ZP2: variants seen among roughly 807,000 people sequenced by gnomAD.
ZP2 encodes the protein zona pellucida sperm-binding protein 2.
In ZP2, 51 loss-of-function variants were observed where a neutral mutation model predicts 84.0. The ratio of observed to expected loss-of-function variants is 0.61; its 90% CI spans 0.49 to 0.77. The LOEUF is 0.77. ZP2 is among the 30% of genes least tolerant of loss of function. The probability of loss-of-function intolerance (pLI) is 0.00; values close to 1 mark genes in which losing one functional copy is unlikely to be tolerated. For missense variants in ZP2, 909 were observed against 911.9 expected, an observed-to-expected ratio of 1.00 and a Z score of 0.04; for synonymous variants, 375 against 330.9, an observed-to-expected ratio of 1.13 and a Z score of -1.45.
intron 3 of ZP2, 136 bp from the exon 4 acceptor site, chr16:21,209,861 C>T: frequency 1.2e-6 from 1 of 806,218 alleles, no homozygotes; most frequent in Non-Finnish European, 2.0e-6. Flanking sequence ...AGTGATAGAA[C>T]TTGAGCTTTG....
At position 21,201,784 on chromosome 16, in the gene ZP2, T is replaced by A; in HGVS notation, c.1426A>T (p.Ile476Phe). 1 of 1,614,144 alleles carries A rather than the reference T, an allele frequency of 6.2e-7. No homozygotes were observed. The highest frequency in any genetic ancestry group is 8.5e-7 in the Non-Finnish European group (1 of 1,180,014). Residue 476 changes from isoleucine to phenylalanine, a missense_variant, in exon 13 of 19, where the codon ATC (isoleucine) becomes TTC (phenylalanine). Physicochemically the swap from Ile to Phe is conservative, Grantham distance 21. Coordinates refer to ENST00000574091, the MANE Select transcript of ZP2 (RefSeq NM_001376232.1). ...GGAGGAGTAAGGCTTTCAACGTTGA[T>A]GTTTAGTAGCATGTCATTCCTGCTA... is the stretch of plus-strand genomic sequence containing the variant. ...SYSRNDMLLN[I>F]NVESLTPPVA...
Position 21,201,951 on chromosome 16 carries a change from A to G in ZP2, c.1360T>C (p.Ser454Pro). ...TCTCACCTGAACTCACTGTCTCTAG[A>G]TATTTTGCTTGGAGGAAAATCCGTC... ...LWTDFPPSKI[S>P]RDSEFRMTVK... The change falls in exon 12 of 19, where the codon TCT becomes CCT. Residue 454 changes from serine to proline, a missense_variant. Physicochemically the swap from Ser to Pro is moderately conservative, Grantham distance 74. Coordinates refer to ENST00000574091, the MANE Select transcript of ZP2 (RefSeq NM_001376232.1). 6.2e-7 allele frequency: 1 copy of G among 1,614,070 alleles called. No homozygotes were observed. Among genetic ancestry groups the G allele is most frequent in the Non-Finnish European group, 8.5e-7 (1 of 1,179,960 alleles).
At chr16:21,201,190 C>A (rs2093223167) in intron 14 of ZP2, among the ~76,000 whole-genome samples, 179 bp downstream of exon 14, 1 of 149,634 alleles carries the variant, frequency 6.7e-6, no homozygotes. Flanking sequence ...CAGAATGAGA[C>A]CCCATCTCAA....
Position 21,206,848 on chromosome 16 carries a change from T to G in ZP2, c.473A>C (p.Asp158Ala). 6.2e-7 allele frequency: 1 copy of G among 1,614,110 alleles called. No individual in the cohort carries two copies. Among genetic ancestry groups the G allele is most frequent in the Non-Finnish European group, 8.5e-7 (1 of 1,179,994 alleles). Residue 158 changes from aspartate to alanine, a missense_variant, in exon 5 of 19, where the codon GAT (aspartate) becomes GCT (alanine). By Grantham distance (126) the Asp-to-Ala change is moderately radical. Coordinates refer to ENST00000574091, the MANE Select transcript of ZP2 (RefSeq NM_001376232.1). ...GLSASTICQKDFMSFSLPRVF... is the reference protein window; with the variant it reads ...GLSASTICQKAFMSFSLPRVF... ...GCCCGTTTCACTCACAGACATGAAATCCTTCTGGCAGATTGTAGATGCTGA... is the reference window on the plus strand; with the variant it reads ...GCCCGTTTCACTCACAGACATGAAAGCCTTCTGGCAGATTGTAGATGCTGA...
chr16:21,203,855 T>C, intron 9 of ZP2, 175 bp downstream of exon 9: 5 of 658,610 alleles, frequency 7.6e-6, no homozygotes, highest in Non-Finnish European at 1.3e-5. Context: ...GAATGAACTT[T>C]AGTTACTTGA....
At chr16:21,214,501 A>T (rs1212348696), upstream of ZP2, 3 of 152,788 alleles carry the variant, frequency 2.0e-5, no homozygotes, top group Admixed American at 1.3e-4. Flanking sequence ...CAGGGAGGGG[A>T]ACATCACACA....
At position 21,203,938 on chromosome 16, in the gene ZP2, A is replaced by G; in HGVS notation, c.972+92T>C. On this transcript the variant is annotated intron_variant, in intron 9 of 18. Coordinates refer to ENST00000574091, the MANE Select transcript of ZP2 (RefSeq NM_001376232.1). ...TCTGTTATGTTGGCAATTAGAGCTC[A>G]CGGGCAAGTTATCAGCCGTATGAGG... 2.1e-6 allele frequency: 3 copies of G among 1,419,432 alleles called. No individual in the cohort carries two copies. The Admixed American group carries it at 5.1e-5, about 24-fold the overall frequency. The allele number at this position is 1,419,432 out of a possible 1,614,324, so 87.9% of individuals were successfully genotyped here.
Position 21,202,212 on chromosome 16 carries a change from C to G in ZP2, c.1179G>C (p.Leu393=). The G allele has an allele frequency of 1.3e-6, 2 of 1,586,486 alleles. No individual in the cohort carries two copies. Among genetic ancestry groups the G allele is most frequent in the South Asian group, 2.3e-5 (2 of 85,672 alleles). ...YSYQTQPALD[L]GTLRVGNSSC... ...ATGAGTTTCCCACCCTCAGAGTACCCAGGTCAAGAGCTGGTTGTGTTTGGT... is the reference window on the plus strand; with the variant it reads ...ATGAGTTTCCCACCCTCAGAGTACCGAGGTCAAGAGCTGGTTGTGTTTGGT... The change falls in exon 11 of 19, where the codon CTG becomes CTC. Residue 393 remains leucine (L), a synonymous_variant. Coordinates refer to ENST00000574091, the MANE Select transcript of ZP2 (RefSeq NM_001376232.1).
At chr16:21,203,946 G>C (rs1205452235) in intron 9 of ZP2, 84 bp downstream of exon 9, 9 of 1,498,136 alleles carry the variant, frequency 6.0e-6, no homozygotes, top group Non-Finnish European at 8.3e-6. Flanking sequence ...TCACGGGCAA[G>C]TTATCAGCCG....
At chr16:21,203,824 T>A (rs768073664) in intron 9 of ZP2, 25 of 614,272 alleles carry the variant, frequency 4.1e-5, no homozygotes, top group Non-Finnish European at 6.8e-5. Flanking sequence ...ATGACAGAAG[T>A]TAAAGAGGTT....
chr16:21,207,663 C>T (rs2152856169), intron 4 of ZP2, among the ~76,000 whole-genome samples: 1 of 150,498 alleles, frequency 6.6e-6, no homozygotes, highest in Non-Finnish European at 1.5e-5. Context: ...CACACACACA[C>T]ACACACACAC....
intron 5 of ZP2, 42 bp from the exon 6 acceptor site, chr16:21,205,817 T>G (rs2093247211): frequency 1.2e-6 from 2 of 1,605,234 alleles, no homozygotes; most frequent in African/African-American, 2.7e-5. Flanking sequence ...GATTTGGAGG[T>G]AGATGTTTCC....
Position 21,204,349 on chromosome 16 carries a change from C to T in ZP2, c.749G>A (p.Gly250Glu). 1 of 1,614,008 alleles carries T rather than the reference C, an allele frequency of 6.2e-7. No homozygotes were observed. ...VSLKLTFISP[G>E]QKVIFSSQAI... is the part of the protein sequence containing the mutation. Reference sequence around the variant, plus strand: ...TTGTGAAGAGAAGATCACCTTCTGTCCAGGAGATATAAATGTAAGCTTCAG... The same window carrying T: ...TTGTGAAGAGAAGATCACCTTCTGTTCAGGAGATATAAATGTAAGCTTCAG... Residue 250 changes from glycine to glutamate, a missense_variant, in exon 8 of 19, where the codon GGA (glycine) becomes GAA (glutamate). By Grantham distance (98) the Gly-to-Glu change is moderately conservative. Coordinates refer to ENST00000574091, the MANE Select transcript of ZP2 (RefSeq NM_001376232.1).
At chr16:21,204,246 C>A (rs778531639) in intron 8 of ZP2, 35 bp from the exon 9 acceptor site, 1 of 1,613,922 alleles carries the variant, frequency 6.2e-7, no homozygotes, top group South Asian at 1.1e-5. Context: ...CCATTACCAG[C>A]CTTGATTAAG....
intron 7 of ZP2, among the ~76,000 whole-genome samples, chr16:21,204,646 T>G (rs1424097111): frequency 6.6e-6 from 1 of 152,198 alleles, no homozygotes; most frequent in Non-Finnish European, 1.5e-5. Context: ...GCAGATAAGA[T>G]CTGTCCTTAC....
At chr16:21,198,958 T>C in intron 16 of ZP2, 96 bp from the exon 17 acceptor site, 1 of 1,123,860 alleles carries the variant, frequency 8.9e-7, no homozygotes, top group Non-Finnish European at 1.3e-6. Context: ...CTCTGGAGTA[T>C]TTTGTTCATG....
intron 9 of ZP2, 87 bp from the exon 10 acceptor site, chr16:21,203,338 C>T (rs2093235075): frequency 1.9e-6 from 3 of 1,565,714 alleles, no homozygotes; most frequent in African/African-American, 1.4e-5. Flanking sequence ...CCACTAAATA[C>T]TTGCAGGACA....
At chr16:21,201,658 GA>G in intron 13 of ZP2, 47 bp downstream of exon 13, 1 of 1,613,216 alleles carries the variant, frequency 6.2e-7, no homozygotes, top group South Asian at 1.1e-5. Context: ...TCATTTTAGG[GA>G]GAAGTTTGAG....
chr16:21,201,616 A>C lies in ZP2; in HGVS notation c.1505-58T>G, dbSNP rs1242191966. 4 of 1,606,990 alleles carry C rather than the reference A, an allele frequency of 2.5e-6. No homozygotes were observed. In the African/African-American group the frequency reaches 5.3e-5, roughly 21 times the overall value. On this transcript the variant is annotated intron_variant, in intron 13 of 18. Coordinates refer to ENST00000574091, the MANE Select transcript of ZP2 (RefSeq NM_001376232.1). ...CTGCAACACAGATTCATAGGTCATC[A>C]CTGCTCCATTAGTCTGGCAGTATCA...
Sources: allele counts gnomAD v4.1 joint callset (sites outside exome capture counted in the v4.1 genomes callset), GRCh38; gene constraint gnomAD v4.1.1; transcripts MANE v1.5; gene names NCBI Gene and HGNC (gene_info 2026-07-23, HGNC 2026-07-21).